The following GPRC5B variants were observed in gnomAD, a reference collection of about 807,000 sequenced individuals.
The protein encoded by GPRC5B is G protein-coupled receptor family C group 5 member B.
GPRC5B carries 16 observed loss-of-function variants against 30.1 expected under a neutral mutation model. That is an observed-to-expected ratio of 0.53 (90% confidence interval 0.36 to 0.81). The LOEUF is 0.81. Ranked by LOEUF, GPRC5B falls within the 30% of genes least tolerant of loss-of-function variation. The probability of loss-of-function intolerance (pLI) is 0.01; values close to 1 mark genes in which losing one functional copy is unlikely to be tolerated. For synonymous variants in GPRC5B, 241 were observed against 239.5 expected (o/e 1.01, Z -0.06); for missense variants, 428 against 544.7 (o/e 0.79, Z 2.13).
upstream of GPRC5B, chr16:19,884,863 C>T: frequency 1.0e-6 from 1 of 982,250 alleles, no homozygotes. Context: ...GCCAGAGTCG[C>T]TGCCGCGCGA....
chr16:19,866,671 C>A (rs1014269918), intron 2 of GPRC5B, among the ~76,000 whole-genome samples: 4 of 152,172 alleles, frequency 2.6e-5, no homozygotes, highest in African/African-American at 9.7e-5. Flanking sequence ...CGTGAGCCAG[C>A]GCACCTGGCT....
chr16:19,866,417 C>T (rs1003461134), intron 2 of GPRC5B, among the ~76,000 whole-genome samples: 2 of 152,080 alleles, frequency 1.3e-5, no homozygotes. Flanking sequence ...GATGCAGTGA[C>T]GCGATCTCAG....
upstream of GPRC5B, chr16:19,885,147 G>A: frequency 8.4e-7 from 1 of 1,195,828 alleles, no homozygotes; most frequent in South Asian, 1.3e-5. This position sits in a 1 kb window ranked among gnomAD's most constrained non-coding sequence, Gnocchi z 5.3. Flanking sequence ...GACGAGCCGG[G>A]CAACTCCCCA....
chr16:19,885,357 A>G, upstream of GPRC5B: 1 of 1,198,798 alleles, frequency 8.3e-7, no homozygotes, highest in Non-Finnish European at 1.1e-6. The surrounding 1 kb of genome is among the most constrained non-coding windows in gnomAD (Gnocchi z 5.3). Flanking sequence ...TGCCTCTCGA[A>G]GTCACCAACG....
At chr16:19,881,417 CAAGAA>C (rs1049530631) in intron 1 of GPRC5B, among the ~76,000 whole-genome samples, 8 of 151,996 alleles carry the variant, frequency 5.3e-5, no homozygotes, top group African/African-American at 1.7e-4. Flanking sequence ...ATAAATACAA[CAAGAA>C]AAGAAAAGTC....
chr16:19,861,867 A>T lies in GPRC5B; in HGVS notation c.1137T>A (p.Thr379=), dbSNP rs748535417. 1 of 1,613,424 alleles carries T rather than the reference A, an allele frequency of 6.2e-7. No homozygotes were observed. The highest frequency in any genetic ancestry group is 1.7e-5 in the Admixed American group (1 of 60,012). Residue 379 remains threonine, a synonymous_variant, in exon 3 of 4, where the codon ACT becomes ACA. Transcript: ENST00000300571. ...APFRSNVYQP[T]EMAVVLNGGT... ...CACCGTTGAGCACGACGGCCATCTC[A>T]GTTGGCTGATACACGTTGCTTCTAA...
At chr16:19,883,287 C>T (rs1203287190) in intron 1 of GPRC5B, among the ~76,000 whole-genome samples, 1 of 152,192 alleles carries the variant, frequency 6.6e-6, no homozygotes, top group Admixed American at 6.5e-5. Context: ...GCGGCTCCTT[C>T]CTCCTGGAAT....
Position 19,872,423 on chromosome 16 carries a change from C to T in GPRC5B, c.423G>A (p.Leu141=), listed in dbSNP as rs756601206. 4 of 1,613,692 alleles carry T rather than the reference C, an allele frequency of 2.5e-6. No individual in the cohort carries two copies. The highest frequency in any genetic ancestry group is 3.3e-5 in the Admixed American group (2 of 60,010). ...GCCTCCGCACGCGCCATGCCTGGCTCAGCAGGCAGGAGAAGCAGAGCGCAA... is the reference window on the plus strand; with the variant it reads ...GCCTCCGCACGCGCCATGCCTGGCTTAGCAGGCAGGAGAAGCAGAGCGCAA... The part of the protein sequence containing the change: ...VLFALCFSCL[L]SQAWRVRRLV... Residue 141 remains leucine (L), a synonymous_variant, in exon 2 of 4, where the codon CTG becomes CTA. Transcript: ENST00000300571. This position sits in a 1 kb window ranked among gnomAD's most constrained non-coding sequence, Gnocchi z 5.0.
At position 19,871,863 on chromosome 16, in the gene GPRC5B, C is replaced by T. The variant is rs773009862; in HGVS notation, c.983G>A (p.Arg328Gln). 3.2e-5 allele frequency: 52 copies of T among 1,613,930 alleles called. No individual in the cohort carries two copies. The highest frequency in any genetic ancestry group is 5.3e-5 in the African/African-American group (4 of 74,922). Residue 328 changes from arginine (R) to glutamine (Q), a missense_variant, in exon 2 of 4, where the codon CGG (arginine) becomes CAG (glutamine). Physicochemically the swap from Arg to Gln is conservative, Grantham distance 43. Transcript: ENST00000300571. ...GAAGGCCTTGTTCTCCATATAGGCC[C>T]GCGGCAGCTGCACGTCCTCCTCGAA... ...TAFEEDVQLP[R>Q]AYMENKAFSM...
intron 1 of GPRC5B, among the ~76,000 whole-genome samples, chr16:19,880,067 G>C (rs909446538): frequency 6.6e-6 from 1 of 151,832 alleles, no homozygotes; most frequent in Non-Finnish European, 1.5e-5. Flanking sequence ...CCAAGAGTTT[G>C]AGCTGCAGTG....
chr16:19,862,284 T>G, intron 2 of GPRC5B: 1 of 334,416 alleles, frequency 3.0e-6, no homozygotes, highest in Middle Eastern at 9.1e-4. Context: ...GACAGGCGCC[T>G]TCTCACTACA....
In GPRC5B at chr16:19,858,093, T is replaced by A; in HGVS notation, c.*2407A>T. 1.2e-5 allele frequency: 2 copies of A among 163,650 alleles called. No homozygotes were observed. The highest frequency in any genetic ancestry group is 1.7e-4 in the East Asian group (1 of 5,938). The allele number at this position is 163,650 out of a possible 1,614,324, so 10.1% of individuals were successfully genotyped here. A position where few individuals can be genotyped will look rare whatever the true frequency, so the allele number is the denominator to read the frequency against. On this transcript the variant is annotated 3_prime_UTR_variant, in exon 4 of 4. Transcript: ENST00000300571. Reference sequence around the variant, plus strand: ...ACGCAGATCTTAAACAGAGGTGCCATTTAATTTTGTCTTTAAACCTTGCTC... The same window carrying A: ...ACGCAGATCTTAAACAGAGGTGCCAATTAATTTTGTCTTTAAACCTTGCTC...
intron 1 of GPRC5B, among the ~76,000 whole-genome samples, chr16:19,874,498 C>T (rs1022248912): frequency 1.3e-5 from 2 of 152,248 alleles, no homozygotes; most frequent in African/African-American, 4.8e-5. Context: ...CAAGACGTGG[C>T]AGGGCAGGGA....
chr16:19,882,750 A>G (rs1179950378), intron 1 of GPRC5B, among the ~76,000 whole-genome samples: 2 of 152,298 alleles, frequency 1.3e-5, no homozygotes, highest in East Asian at 1.9e-4. Flanking sequence ...AATAAACCCT[A>G]AACTCCTTTC....
intron 1 of GPRC5B, among the ~76,000 whole-genome samples, chr16:19,875,086 C>G (rs2056750906): frequency 6.6e-6 from 1 of 152,192 alleles, no homozygotes; most frequent in Non-Finnish European, 1.5e-5. Flanking sequence ...CTCACTGTTA[C>G]AGAGATCCTG....
chr16:19,865,798 G>A (rs1475761385), intron 2 of GPRC5B, among the ~76,000 whole-genome samples: 2 of 152,228 alleles, frequency 1.3e-5, no homozygotes, highest in African/African-American at 4.8e-5. Context: ...TTGATTTAAA[G>A]CAAGCACGCT....
Position 19,872,913 on chromosome 16 carries a change from T to G in GPRC5B, c.-1-67A>C. On this transcript the variant is annotated intron_variant, in intron 1 of 3. Coordinates refer to ENST00000300571, the MANE Select transcript of GPRC5B (RefSeq NM_016235.3). The surrounding 1 kb of genome is among the most constrained non-coding windows in gnomAD (Gnocchi z 5.0). ...TGAATTCATTGGAAGACTCCCCCTC[T>G]CCTGACTTCTTGAAGAAGACTCGCC... is the stretch of plus-strand genomic sequence containing the variant. The G allele has an allele frequency of 8.6e-7, 1 of 1,164,158 alleles. No individual in the cohort carries two copies. The highest frequency in any genetic ancestry group is 2.4e-5 in the East Asian group (1 of 42,524). The allele number at this position is 1,164,158 out of a possible 1,614,324, so 72.1% of individuals were successfully genotyped here. A position where few individuals can be genotyped will look rare whatever the true frequency, so the allele number is the denominator to read the frequency against.
rs548370276 is a variant in GPRC5B, at chr16:19,866,214, C to T, written c.1031-4241G>A. 2.6e-5 allele frequency among the ~76,000 whole-genome samples: 4 copies of T among 152,140 alleles called. No homozygotes were observed. In the South Asian group the frequency reaches 8.3e-4, roughly 32 times the overall value. On this transcript the variant is annotated intron_variant, in intron 2 of 3. Transcript: ENST00000300571. ...AGTGCTGGGACTGTGCCCGGCCAAG[C>T]ACTGGTAATTTTTTAAAGCAGCCCC...
chr16:19,871,985 G>T lies in GPRC5B; in HGVS notation c.861C>A (p.His287Gln). Residue 287 changes from histidine (H) to glutamine (Q), a missense_variant, in exon 2 of 4, where the codon CAC becomes CAA. Physicochemically the swap from His to Gln is conservative, Grantham distance 24. This residue lies in a region of GPRC5B where 213 missense variants were observed against 229.1 expected (regional missense o/e 0.93). Coordinates refer to ENST00000300571, the MANE Select transcript of GPRC5B (RefSeq NM_016235.3). ...AASGWVFVIFHAIPEIHCTLL... is the reference protein window; with the variant it reads ...AASGWVFVIFQAIPEIHCTLL... ...GGGTGCAGTGGATCTCAGGGATGGC[G>T]TGGAAGATGACGAAGACCCAGCCGC... The T allele has an allele frequency of 6.2e-7, 1 of 1,614,090 alleles. No individual in the cohort carries two copies. Among genetic ancestry groups the T allele is most frequent in the Non-Finnish European group, 8.5e-7 (1 of 1,180,024 alleles).
Sources: gnomAD v4.1 joint callset for allele counts (sites outside exome capture counted in the v4.1 genomes callset) on GRCh38, gnomAD v4.1.1 for gene constraint, gnomAD v4.1.1 regional missense constraint, Gnocchi (gnomAD v3.1) non-coding constraint, MANE v1.5 for transcripts, NCBI Gene and HGNC (gene_info 2026-07-23, HGNC 2026-07-21) for gene names.